DIP2A: variants seen among roughly 807,000 people sequenced by gnomAD.
DIP2A encodes DIP2 acetate--CoA ligase A, also known as disco-interacting protein 2 homolog A.
A neutral mutation model predicts 177.4 loss-of-function variants in DIP2A; 85 were observed. The observed-to-expected ratio is 0.48, with a 90% CI of 0.40 to 0.57. The LOEUF is 0.57. Ranked by LOEUF, DIP2A falls within the 20% of genes least tolerant of loss-of-function variation. DIP2A has a pLI of 0.00. For missense variants in DIP2A, 1,791 were observed against 2,100.2 expected (o/e 0.85, Z 2.88); for synonymous variants, 886 against 881.8 (o/e 1.00, Z -0.08).
intron 33 of DIP2A, chr21:46,561,284 C>G: frequency 3.5e-6 from 1 of 283,678 alleles, no homozygotes; most frequent in South Asian, 3.6e-5. Flanking sequence ...CTGATGCTGT[C>G]ATAGGATCTG....
the DIP2A span, among the ~76,000 whole-genome samples, chr21:46,580,282 G>A: frequency 6.6e-6 from 1 of 151,628 alleles, no homozygotes; most frequent in South Asian, 2.1e-4. Context: ...GTTTTTTTCT[G>A]TTTTCCATTT....
At chr21:46,463,736 T>G (rs1463576928) in intron 1 of DIP2A, among the ~76,000 whole-genome samples, 1 of 140,172 alleles carries the variant, frequency 7.1e-6, no homozygotes, top group Non-Finnish European at 1.6e-5. Context: ...TGAGACGGAG[T>G]CTCACTCTGT....
intron 34 of DIP2A, 150 bp downstream of exon 34, chr21:46,561,955 C>A: frequency 6.9e-7 from 1 of 1,457,714 alleles, no homozygotes; most frequent in East Asian, 2.4e-5. Context: ...AAGTCTCCTT[C>A]CCTCCTTTGT....
At chr21:46,571,297 A>G (rs2060962110), downstream of DIP2A, among the ~76,000 whole-genome samples, 1 of 152,238 alleles carries the variant, frequency 6.6e-6, no homozygotes. Flanking sequence ...GTCTTCCACA[A>G]AACCAGTCGC....
rs763691238 is a variant in DIP2A at position 46,554,201 on chromosome 21, G to A, written c.3063G>A (p.Gln1021=). 6 of 1,613,782 alleles carry A rather than the reference G, an allele frequency of 3.7e-6. No individual in the cohort carries two copies. In the East Asian group the frequency reaches 1.3e-4, roughly 36 times the overall value. ...GTVTSTATCV[Q]LHKRAERVAA... ...TCACAAGCACTGCAACCTGTGTCCA[G>A]CTGCACAAAAGGGCTGAGAGAGTGG... is the stretch of plus-strand genomic sequence containing the variant. Residue 1021 remains glutamine, a synonymous_variant, in exon 26 of 38, where the codon CAG becomes CAA. Transcript: ENST00000417564.
chr21:46,541,704 C>T, intron 17 of DIP2A, 52 bp from the exon 18 acceptor site: 6 of 1,611,010 alleles, frequency 3.7e-6, no homozygotes, highest in Non-Finnish European at 5.1e-6. Context: ...GCCCACCTCC[C>T]TGGAATTTCA....
In DIP2A at chr21:46,556,470, T is replaced by C. The variant is rs2060471861; in HGVS notation, c.3498+379T>C. 1 of 1,010,674 alleles carries C rather than the reference T, an allele frequency of 9.9e-7. No individual in the cohort carries two copies. The highest frequency in any genetic ancestry group is 1.4e-6 in the Non-Finnish European group (1 of 729,570). The allele number at this position is 1,010,674 out of a possible 1,614,324, so 62.6% of individuals were successfully genotyped here. On this transcript the variant is annotated intron_variant, in intron 29 of 37. Coordinates refer to ENST00000417564, the MANE Select transcript of DIP2A (RefSeq NM_015151.4). This position sits in a 1 kb window ranked among gnomAD's most constrained non-coding sequence, Gnocchi z 4.5. ...AGGCCGAGGCGGGTGGATCACAAGA[T>C]CAAGAGATGGAGACCATCCTGGCCA...
intron 13 of DIP2A, 66 bp downstream of exon 13, chr21:46,534,753 CAT>C: frequency 7.2e-7 from 1 of 1,393,086 alleles, no homozygotes; most frequent in Non-Finnish European, 9.9e-7. Flanking sequence ...CGTACCTAAT[CAT>C]GTGACTGTCA....
chr21:46,556,460 G>A lies in DIP2A; in HGVS notation c.3498+369G>A. 2 of 1,084,944 alleles carry A rather than the reference G, an allele frequency of 1.8e-6. No individual in the cohort carries two copies. Among genetic ancestry groups the A allele is most frequent in the Non-Finnish European group, 2.5e-6 (2 of 794,912 alleles). 67.2% of individuals were successfully genotyped at this position (1,084,944 alleles called of 1,614,324 possible). On this transcript the variant is annotated intron_variant, in intron 29 of 37. Coordinates refer to ENST00000417564, the MANE Select transcript of DIP2A (RefSeq NM_015151.4). The surrounding 1 kb of genome is among the most constrained non-coding windows in gnomAD (Gnocchi z 4.5). ...GCACTTCGGGAGGCCGAGGCGGGTG[G>A]ATCACAAGATCAAGAGATGGAGACC...
intron 18 of DIP2A, among the ~76,000 whole-genome samples, chr21:46,544,903 A>G (rs1001055542): frequency 1.3e-5 from 2 of 152,142 alleles, no homozygotes; most frequent in Non-Finnish European, 2.9e-5. Flanking sequence ...TACATGAAGG[A>G]TGTGTTGTAC....
At chr21:46,578,280 C>A in the DIP2A span, among the ~76,000 whole-genome samples, 4 of 152,144 alleles carry the variant, frequency 2.6e-5, no homozygotes, top group African/African-American at 9.7e-5. Context: ...CCACTGCACT[C>A]CAGCCTGGCA....
intron 11 of DIP2A, among the ~76,000 whole-genome samples, 177 bp downstream of exon 11, chr21:46,533,824 C>T (rs1238414599): frequency 6.6e-6 from 1 of 152,222 alleles, no homozygotes; most frequent in African/African-American, 2.4e-5. Context: ...CCTGTACTGT[C>T]TAATGTGGTA....
chr21:46,539,896 C>T lies in DIP2A; in HGVS notation c.1941C>T (p.Asp647=), dbSNP rs769596173. 18 of 1,613,834 alleles carry T rather than the reference C, an allele frequency of 1.1e-5. No homozygotes were observed. The highest frequency in any genetic ancestry group is 4.0e-5 in the African/African-American group (3 of 74,930). Residue 647 remains aspartate, a synonymous_variant, in exon 17 of 38, where the codon GAC becomes GAT. Coordinates refer to ENST00000417564, the MANE Select transcript of DIP2A (RefSeq NM_015151.4). ...GANPWSISSC[D]AFLNVFQSRG... ...GTGCAGGGTCGATCTCCTCCTGTGA[C>T]GCCTTCCTCAACGTCTTCCAGTCCA...
intron 37 of DIP2A, 30 bp downstream of exon 37, chr21:46,566,713 G>A (rs780466739): frequency 6.8e-6 from 11 of 1,613,396 alleles, no homozygotes; most frequent in Non-Finnish European, 4.2e-6. Flanking sequence ...GCGGCTTCAC[G>A]TGGTCCCTCC....
chr21:46,510,149 A>G (rs1352513794), intron 7 of DIP2A, among the ~76,000 whole-genome samples: 1 of 152,238 alleles, frequency 6.6e-6, no homozygotes, highest in Non-Finnish European at 1.5e-5. Context: ...AGAGCAAGGA[A>G]GCCAGTCTGA....
intron 5 of DIP2A, among the ~76,000 whole-genome samples, chr21:46,501,688 G>T (rs906143460): frequency 6.6e-6 from 1 of 152,188 alleles, no homozygotes. Context: ...CTTTCAAAAT[G>T]TTAGGATTAT....
At chr21:46,566,474 G>A in intron 36 of DIP2A, 86 bp from the exon 37 acceptor site, 1 of 1,570,684 alleles carries the variant, frequency 6.4e-7, no homozygotes, top group Non-Finnish European at 8.7e-7. Context: ...GTGCCTGAGA[G>A]CCCCTGGTTG....
chr21:46,476,798 G>C (rs2148371469), intron 1 of DIP2A, among the ~76,000 whole-genome samples: 1 of 152,014 alleles, frequency 6.6e-6, no homozygotes, highest in Non-Finnish European at 1.5e-5. Flanking sequence ...CGAGATTACA[G>C]GTGTGTGCCA....
the DIP2A span, among the ~76,000 whole-genome samples, chr21:46,578,596 T>A: frequency 3.3e-5 from 5 of 152,238 alleles, no homozygotes; most frequent in Admixed American, 6.5e-5. Context: ...TGTGGATCTG[T>A]CATAAGTGGC....
Sources: gnomAD v4.1 joint callset for allele counts (sites outside exome capture counted in the v4.1 genomes callset) on GRCh38, gnomAD v4.1.1 for gene constraint, Gnocchi (gnomAD v3.1) non-coding constraint, MANE v1.5 for transcripts, NCBI Gene and HGNC (gene_info 2026-07-23, HGNC 2026-07-21) for gene names.